ENPP1: variants seen among roughly 807,000 people sequenced by gnomAD.
The protein encoded by ENPP1 is ectonucleotide pyrophosphatase/phosphodiesterase 1.
A neutral mutation model predicts 122.8 loss-of-function variants in ENPP1; 73 were observed. That is an observed-to-expected ratio of 0.59 (90% CI 0.49 to 0.72). The LOEUF (loss-of-function observed/expected upper bound fraction) is 0.72, where lower values mean the gene tolerates loss of function less well. ENPP1 is among the 30% of genes least tolerant of loss of function. The pLI, the probability that ENPP1 is intolerant of heterozygous loss-of-function variation, is 0.00. For synonymous variants in ENPP1, 367 were observed against 391.6 expected (o/e 0.94, Z 0.74); for missense variants, 978 against 1,128.1 (o/e 0.87, Z 1.91).
At chr6:131,832,179 T>A (rs963693991) in intron 1 of ENPP1, among the ~76,000 whole-genome samples, 14 of 152,110 alleles carry the variant, frequency 9.2e-5, no homozygotes, top group Non-Finnish European at 1.8e-4. Flanking sequence ...GACTTGTTTT[T>A]TTTTTTCCTT....
chr6:131,884,779 C>A, intron 22 of ENPP1, 152 bp from the exon 23 acceptor site: 1 of 934,442 alleles, frequency 1.1e-6, no homozygotes, highest in Non-Finnish European at 1.7e-6. Context: ...TGTCTCTAAA[C>A]AAAAAACAAA....
At chr6:131,811,508 A>G (rs971973448) in intron 1 of ENPP1, among the ~76,000 whole-genome samples, 1 of 152,102 alleles carries the variant, frequency 6.6e-6, no homozygotes, top group Non-Finnish European at 1.5e-5. Flanking sequence ...TGCCCTGAGT[A>G]GATGCTCCTA....
intron 8 of ENPP1, 78 bp from the exon 9 acceptor site, chr6:131,861,517 G>C: frequency 1.1e-6 from 1 of 889,210 alleles, no homozygotes; most frequent in South Asian, 1.3e-5. Flanking sequence ...GGAATGCATT[G>C]GTGTGGTATG....
chr6:131,857,751 G>A (rs149476099), intron 6 of ENPP1, among the ~76,000 whole-genome samples: 2,691 of 152,256 alleles, frequency 0.018, 96 homozygotes, highest in African/African-American at 0.058. Flanking sequence ...GTATACATAT[G>A]TAACTAACCT....
chr6:131,884,722 C>T (rs1417014151), intron 22 of ENPP1, among the ~76,000 whole-genome samples: 4 of 152,168 alleles, frequency 2.6e-5, no homozygotes, highest in Admixed American at 2.6e-4. Context: ...CTGCAGTGAG[C>T]TATGATTGTG....
intron 23 of ENPP1, among the ~76,000 whole-genome samples, chr6:131,885,737 T>C (rs764922712): frequency 6.6e-6 from 1 of 152,174 alleles, no homozygotes; most frequent in Non-Finnish European, 1.5e-5. Flanking sequence ...CAGGCTGACT[T>C]AGATATATGT....
intron 1 of ENPP1, among the ~76,000 whole-genome samples, chr6:131,809,492 C>G (rs1036413259): frequency 5.3e-5 from 8 of 152,264 alleles, no homozygotes; most frequent in Admixed American, 4.6e-4. Flanking sequence ...GTTTGCATCT[C>G]AAGATAAAAT....
chr6:131,847,792 T>C lies in ENPP1; in HGVS notation c.257T>C (p.Val86Ala), dbSNP rs1433330285. ...TCCCTACAGGTATTGTCAGTATGTGTGTTAACAACAATACTTGGTTGTATA... is the reference window on the plus strand; with the variant it reads ...TCCCTACAGGTATTGTCAGTATGTGCGTTAACAACAATACTTGGTTGTATA... ...KVLSLVLSVC[V>A]LTTILGCIFG... The change falls in exon 2 of 25, where the codon GTG becomes GCG. Residue 86 changes from valine (V) to alanine (A), a missense_variant. By Grantham distance (64) the Val-to-Ala change is moderately conservative (BLOSUM62 0). Transcript: ENST00000647893. 6.2e-7 allele frequency: 1 copy of C among 1,610,776 alleles called. No homozygotes were observed.
Position 131,894,775 on chromosome 6 carries a change from T to A in ENPP1, c.*4264T>A, listed in dbSNP as rs1315427039. On this transcript the variant is annotated 3_prime_UTR_variant, in exon 25 of 25. Coordinates refer to ENST00000647893, the MANE Select transcript of ENPP1 (RefSeq NM_006208.3). The stretch of plus-strand genomic sequence containing the variant: ...CAAGGACTGGTAGGCCTGTTGGCTG[T>A]TCCTGTTTAAGGAGACAAGATGGGC... 2 of 152,248 alleles carry A rather than the reference T, an allele frequency of 1.3e-5. No individual in the cohort carries two copies. The highest frequency in any genetic ancestry group is 4.8e-5 in the African/African-American group (2 of 41,454). The allele number at this position is 152,248 out of a possible 1,614,324, so 9.4% of individuals were successfully genotyped here. A position where few individuals can be genotyped will look rare whatever the true frequency, so the allele number is the denominator to read the frequency against.
At chr6:131,867,977 T>C (rs1317715953) in intron 11 of ENPP1, 41 bp from the exon 12 acceptor site, 2 of 1,212,632 alleles carry the variant, frequency 1.6e-6, no homozygotes, top group Non-Finnish European at 2.5e-6. Context: ...TAGCCATTAG[T>C]GTGGAAGGTA....
chr6:131,824,304 A>G (rs529567184), intron 1 of ENPP1, among the ~76,000 whole-genome samples: 2 of 152,218 alleles, frequency 1.3e-5, no homozygotes, highest in East Asian at 1.9e-4. Flanking sequence ...AGGCAGCAGC[A>G]GGGGAAAGGC....
rs554025475 is a variant in ENPP1, at chr6:131,830,034, C to T, written c.241-17742C>T. Among the ~76,000 whole-genome samples the T allele has an allele frequency of 9.9e-5, 15 of 152,112 alleles. 1 individual carries two copies. The highest frequency in any genetic ancestry group is 1.9e-4 in the Non-Finnish European group (13 of 68,016). On this transcript the variant is annotated intron_variant, in intron 1 of 24. Transcript: ENST00000647893. ...AAAGGCAGTAACACAACTTGGGTTTCTTGGGAAACAGACTATTAGATGGAA... is the reference window on the plus strand; with the variant it reads ...AAAGGCAGTAACACAACTTGGGTTTTTTGGGAAACAGACTATTAGATGGAA...
intron 1 of ENPP1, among the ~76,000 whole-genome samples, chr6:131,844,023 C>T (rs1009751334): frequency 6.6e-6 from 1 of 152,168 alleles, no homozygotes; most frequent in Non-Finnish European, 1.5e-5. Flanking sequence ...TCTGACATGC[C>T]TATCTCTGAG....
At chr6:131,828,213 G>T in intron 1 of ENPP1, 1 of 565,950 alleles carries the variant, frequency 1.8e-6, no homozygotes, top group South Asian at 1.4e-5. Context: ...GATGTTCCAA[G>T]GCATGGTGCA....
chr6:131,814,799 T>C (rs1781395385), intron 1 of ENPP1, among the ~76,000 whole-genome samples: 1 of 152,250 alleles, frequency 6.6e-6, no homozygotes, highest in African/African-American at 2.4e-5. Context: ...GTGTCCCTTA[T>C]GGTATTTGTT....
At chr6:131,844,270 C>T (rs145289115) in intron 1 of ENPP1, among the ~76,000 whole-genome samples, 2 of 152,268 alleles carry the variant, frequency 1.3e-5, no homozygotes, top group Admixed American at 6.5e-5. Context: ...TAAATAAAAC[C>T]AGCTCCCAAC....
In ENPP1 at chr6:131,869,445, C is replaced by T. The variant is rs757068728; in HGVS notation, c.1361C>T (p.Ala454Val). Residue 454 changes from alanine (A) to valine (V), a missense_variant, in exon 13 of 25, where the codon GCA becomes GTA. Coordinates refer to ENST00000647893, the MANE Select transcript of ENPP1 (RefSeq NM_006208.3). The stretch of plus-strand genomic sequence containing the variant: ...AATATTAAAGTTATCTATGGACCTG[C>T]AGCTCGATTGAGACCCTCTGATGTC... ...VKNIKVIYGPAARLRPSDVPD... is the reference protein window; with the variant it reads ...VKNIKVIYGPVARLRPSDVPD... The T allele has an allele frequency of 1.2e-6, 2 of 1,613,014 alleles. No homozygotes were observed. Among genetic ancestry groups the T allele is most frequent in the Non-Finnish European group, 8.5e-7 (1 of 1,179,144 alleles).
At chr6:131,818,264 C>G (rs1309608647) in intron 1 of ENPP1, among the ~76,000 whole-genome samples, 2 of 151,930 alleles carry the variant, frequency 1.3e-5, no homozygotes, top group Non-Finnish European at 2.9e-5. Flanking sequence ...ACCAATTGTA[C>G]AAGTAGTCAT....
At chr6:131,886,360 G>A (rs756176119) in intron 23 of ENPP1, among the ~76,000 whole-genome samples, 9 of 152,156 alleles carry the variant, frequency 5.9e-5, no homozygotes, top group Non-Finnish European at 1.3e-4. Context: ...AAAATTATTT[G>A]GAGTGTGTTT....
Sources: gnomAD v4.1 joint callset for allele counts (sites outside exome capture counted in the v4.1 genomes callset) on GRCh38, gnomAD v4.1.1 for gene constraint, MANE v1.5 for transcripts, NCBI Gene and HGNC (gene_info 2026-07-23, HGNC 2026-07-21) for gene names.